CLDN14: variants seen among roughly 807,000 people sequenced by gnomAD.
CLDN14 encodes the protein claudin-14.
CLDN14 carries 2 observed loss-of-function variants against 2.1 expected under a neutral mutation model. The ratio of observed to expected loss-of-function variants is 0.96; its 90% CI spans 0.39 to 3.01. CLDN14 has a LOEUF of 3.01. Ranked by LOEUF, CLDN14 falls within the 30% of genes most tolerant of loss-of-function variation. The pLI is 0.09. For missense variants in CLDN14, 298 were observed against 328.0 expected, an observed-to-expected ratio of 0.91 and a Z score of 0.71; for synonymous variants, 136 against 154.4, an observed-to-expected ratio of 0.88 and a Z score of 0.88.
chr21:36,479,702 A>G lies in CLDN14; in HGVS notation c.-289T>C, dbSNP rs1346696783. The G allele has an allele frequency of 6.6e-6, 1 of 152,134 alleles. No individual in the cohort carries two copies. The highest frequency in any genetic ancestry group is 2.4e-5 in the African/African-American group (1 of 41,410). 9.4% of individuals were successfully genotyped at this position (152,134 alleles called of 1,614,324 possible). On this transcript the variant is annotated 5_prime_UTR_variant, in exon 1 of 2. Transcript: ENST00000399135. ...CTAGACAATTACAGTGTTCCTTAGA[A>G]TGGCCTGCGTGGGCACACGTGCCAC...
At chr21:36,488,261 C>CCTTCCTTCCTTCCTTCCTTCCTTA (rs2086920167) in intron 2 of CLDN14, among the ~76,000 whole-genome samples, 1 of 150,052 alleles carries the variant, frequency 6.7e-6, no homozygotes, top group East Asian at 2.0e-4. Flanking sequence ...TTCCTTCCTT[C>CCTTCCTTCCTTCCTTCCTTCCTTA]CTTCCTTCCT....
intron 1 of CLDN14, among the ~76,000 whole-genome samples, chr21:36,576,056 A>G (rs1349324546): frequency 2.6e-5 from 4 of 152,196 alleles, no homozygotes; most frequent in Non-Finnish European, 4.4e-5. Flanking sequence ...TGTACTCAGT[A>G]ATTAAAAACC....
At chr21:36,508,553 T>G (rs141989869) in intron 2 of CLDN14, among the ~76,000 whole-genome samples, 1 of 152,100 alleles carries the variant, frequency 6.6e-6, no homozygotes, top group African/African-American at 2.4e-5. Context: ...GACAGATGCG[T>G]TGGGGGGCCC....
chr21:36,518,432 C>T (rs939504286), intron 1 of CLDN14, among the ~76,000 whole-genome samples: 2 of 152,154 alleles, frequency 1.3e-5, no homozygotes, highest in African/African-American at 4.8e-5. Context: ...GAAACCCCAT[C>T]TCTACAAAAA....
At chr21:36,493,275 A>C (rs1003612426) in intron 2 of CLDN14, among the ~76,000 whole-genome samples, 1 of 152,010 alleles carries the variant, frequency 6.6e-6, no homozygotes, top group Non-Finnish European at 1.5e-5. Flanking sequence ...TCACCACAGG[A>C]GTCCTGAGCT....
intron 2 of CLDN14, among the ~76,000 whole-genome samples, chr21:36,510,137 G>T (rs1239507166): frequency 2.6e-5 from 4 of 152,194 alleles, no homozygotes; most frequent in Non-Finnish European, 5.9e-5. Flanking sequence ...ATAGCTCTGG[G>T]CCAGTCAAGC....
At chr21:36,512,193 C>A (rs995894685) in intron 1 of CLDN14, among the ~76,000 whole-genome samples, 6 of 152,106 alleles carry the variant, frequency 3.9e-5, no homozygotes, top group Non-Finnish European at 8.8e-5. Context: ...TAGAAGACAT[C>A]GCCAAAGGAA....
At chr21:36,533,972 C>T (rs2087403711) in intron 1 of CLDN14, among the ~76,000 whole-genome samples, 1 of 152,244 alleles carries the variant, frequency 6.6e-6, no homozygotes. Context: ...CCGACCTGCA[C>T]ATGTACCCCT....
At chr21:36,550,413 G>T (rs1331844520) in intron 1 of CLDN14, among the ~76,000 whole-genome samples, 1 of 152,170 alleles carries the variant, frequency 6.6e-6, no homozygotes, top group Non-Finnish European at 1.5e-5. Context: ...TGGAAATAGA[G>T]CTCAGGGCAG....
chr21:36,470,448 C>T (rs550757230), intron 1 of CLDN14, among the ~76,000 whole-genome samples: 10 of 151,916 alleles, frequency 6.6e-5, no homozygotes, highest in East Asian at 5.8e-4. Context: ...CAGCAACCCG[C>T]GGAGAATCGC....
intron 1 of CLDN14, among the ~76,000 whole-genome samples, chr21:36,524,033 C>T (rs996125521): frequency 2.0e-5 from 3 of 152,028 alleles, no homozygotes; most frequent in Non-Finnish European, 4.4e-5. Context: ...CCTGACTGCT[C>T]TCTCCAAGCA....
intron 1 of CLDN14, among the ~76,000 whole-genome samples, chr21:36,520,834 A>G (rs1485276196): frequency 6.6e-6 from 1 of 152,050 alleles, no homozygotes; most frequent in Non-Finnish European, 1.5e-5. Flanking sequence ...TCTCTCTCGA[A>G]GGCCAGTCCT....
chr21:36,462,343 A>G (rs219778), intron 1 of CLDN14, among the ~76,000 whole-genome samples: 46,175 of 151,930 alleles, frequency 0.3, 8,358 homozygotes, highest in African/African-American at 0.5. Context: ...ATGCCGGGGC[A>G]GGAATTTCCA....
chr21:36,505,994 C>T (rs2087129131), intron 2 of CLDN14, among the ~76,000 whole-genome samples: 1 of 152,192 alleles, frequency 6.6e-6, no homozygotes, highest in South Asian at 2.1e-4. Context: ...AGTGAATACT[C>T]TTCAACTCAG....
intron 2 of CLDN14, among the ~76,000 whole-genome samples, chr21:36,490,444 A>G (rs2086949776): frequency 7.4e-6 from 1 of 135,418 alleles, no homozygotes; most frequent in South Asian, 2.4e-4. Flanking sequence ...GCTGGACTGC[A>G]GTGGCGTGAT....
chr21:36,480,882 A>G (rs994281558), upstream of CLDN14: 2 of 152,156 alleles, frequency 1.3e-5, no homozygotes, highest in Non-Finnish European at 1.5e-5. Context: ...TCTGGTGTGG[A>G]CAAACGCCCT....
At chr21:36,525,252 A>G (rs965753724) in intron 1 of CLDN14, among the ~76,000 whole-genome samples, 3 of 152,076 alleles carry the variant, frequency 2.0e-5, no homozygotes, top group African/African-American at 4.8e-5. Flanking sequence ...GCACAGAATG[A>G]GGGGGTGTCA....
intron 1 of CLDN14, among the ~76,000 whole-genome samples, chr21:36,543,027 G>A (rs949813632): frequency 1.3e-5 from 2 of 152,232 alleles, no homozygotes; most frequent in Non-Finnish European, 2.9e-5. Flanking sequence ...GGGGCAGGGG[G>A]GAGCACAAGG....
At chr21:36,505,529 G>T (rs573738795) in intron 2 of CLDN14, among the ~76,000 whole-genome samples, 1 of 152,248 alleles carries the variant, frequency 6.6e-6, no homozygotes, top group East Asian at 1.9e-4. Flanking sequence ...GAAATCCTAA[G>T]AACAGAACAC....
Sources: allele counts gnomAD v4.1 joint callset (sites outside exome capture counted in the v4.1 genomes callset), GRCh38; gene constraint gnomAD v4.1.1; transcripts MANE v1.5; gene names NCBI Gene and HGNC (gene_info 2026-07-23, HGNC 2026-07-21).